SCAI: variants seen among roughly 807,000 people sequenced by gnomAD.
SCAI encodes the protein protein SCAI.
A neutral mutation model predicts 92.2 loss-of-function variants in SCAI; 24 were observed. The observed-to-expected ratio is 0.26, with a 90% CI of 0.19 to 0.37. SCAI has a LOEUF of 0.37. Among genes scored for constraint, SCAI ranks in the 10% least tolerant of loss-of-function variants. SCAI has a pLI of 1.00. For synonymous variants in SCAI, 261 were observed against 258.6 expected (o/e 1.01, Z -0.09); for missense variants, 450 against 736.2 (o/e 0.61, Z 4.50).
intron 3 of SCAI, among the ~76,000 whole-genome samples, chr9:125,031,285 G>C (rs2131090854): frequency 6.6e-6 from 1 of 151,492 alleles, no homozygotes; most frequent in Non-Finnish European, 1.5e-5. Flanking sequence ...TTTTGAGATG[G>C]AGTCGCGCTC....
chr9:125,077,388 C>T (rs1834112184), intron 2 of SCAI, among the ~76,000 whole-genome samples: 2 of 152,204 alleles, frequency 1.3e-5, no homozygotes, highest in Non-Finnish European at 2.9e-5. Flanking sequence ...TTTTTGGCTA[C>T]TATGAATAAT....
chr9:125,071,506 G>C (rs1833979285), intron 2 of SCAI, among the ~76,000 whole-genome samples: 1 of 152,200 alleles, frequency 6.6e-6, no homozygotes, highest in African/African-American at 2.4e-5. Flanking sequence ...TGAGGACAGA[G>C]AGTTTAAGAA....
At chr9:125,003,395 G>T in intron 10 of SCAI, 74 bp downstream of exon 10, 1 of 1,107,588 alleles carries the variant, frequency 9.0e-7, no homozygotes, top group Non-Finnish European at 1.4e-6. Context: ...AGTATCTGTT[G>T]AATAATCAGC....
At chr9:125,135,287 C>T (rs569883678) in intron 2 of SCAI, among the ~76,000 whole-genome samples, 3 of 152,318 alleles carry the variant, frequency 2.0e-5, no homozygotes, top group African/African-American at 7.2e-5. Context: ...GAAATGTTCT[C>T]AAAAGATAAC....
At chr9:125,018,025 C>CA (rs1465646716) in intron 9 of SCAI, among the ~76,000 whole-genome samples, 2 of 151,758 alleles carry the variant, frequency 1.3e-5, no homozygotes, top group Admixed American at 6.6e-5. Context: ...AAACAAAACA[C>CA]AAAAAACACC....
intron 3 of SCAI, among the ~76,000 whole-genome samples, chr9:125,046,085 T>C (rs1016867491): frequency 6.7e-6 from 1 of 150,096 alleles, no homozygotes; most frequent in Non-Finnish European, 1.5e-5. Context: ...AAGTCATTTA[T>C]ATAAAAAAGA....
chr9:124,952,308 A>G lies in SCAI; in HGVS notation c.*499T>C, dbSNP rs949856710. On this transcript the variant is annotated 3_prime_UTR_variant, in exon 18 of 18. Coordinates refer to ENST00000336505, the MANE Select transcript of SCAI (RefSeq NM_001144877.3). ...AAAAAACTGGCTTGATCATGTTTCA[A>G]AGGATCAAACATTTTTCTACCAGCT... 6.6e-6 allele frequency: 1 copy of G among 152,244 alleles called. No homozygotes were observed. Among genetic ancestry groups the G allele is most frequent in the African/African-American group, 2.4e-5 (1 of 41,466 alleles). The allele number at this position is 152,244 out of a possible 1,614,324, so 9.4% of individuals were successfully genotyped here.
At chr9:125,061,479 G>T (rs181217278) in intron 2 of SCAI, among the ~76,000 whole-genome samples, 1 of 152,144 alleles carries the variant, frequency 6.6e-6, no homozygotes, top group Non-Finnish European at 1.5e-5. Flanking sequence ...ATTGTTCAAG[G>T]CTGGGCCCAG....
chr9:125,001,002 C>T (rs1008870682), intron 12 of SCAI, among the ~76,000 whole-genome samples: 2 of 151,878 alleles, frequency 1.3e-5, no homozygotes, highest in African/African-American at 4.8e-5. Flanking sequence ...GTATGTTAAG[C>T]GGAAACCAAG....
chr9:125,066,428 C>A (rs1483959631), intron 2 of SCAI, among the ~76,000 whole-genome samples: 18 of 151,218 alleles, frequency 1.2e-4, no homozygotes, highest in African/African-American at 4.1e-4. Context: ...GATAGGTATA[C>A]CATTTTTTAT....
intron 2 of SCAI, among the ~76,000 whole-genome samples, chr9:125,058,502 G>A (rs1490595043): frequency 6.6e-6 from 1 of 152,102 alleles, no homozygotes; most frequent in Non-Finnish European, 1.5e-5. Context: ...GCGACAGAAC[G>A]AGACTGCGTT....
rs925140352 is a variant in SCAI, at chr9:125,142,621, G to T, written c.98+12C>A. 5 of 1,610,636 alleles carry T rather than the reference G, an allele frequency of 3.1e-6. No homozygotes were observed. The South Asian group carries it at 5.5e-5, about 18-fold the overall frequency. On this transcript the variant is annotated intron_variant, in intron 2 of 17. Coordinates refer to ENST00000336505, the MANE Select transcript of SCAI (RefSeq NM_001144877.3). The stretch of plus-strand genomic sequence containing the variant: ...GAAAAACATGAAGCAAAATAGGAAG[G>T]CACTGCCTTACCTGCTTCTCCGTTT...
intron 9 of SCAI, among the ~76,000 whole-genome samples, chr9:125,011,919 T>C (rs1291486416): frequency 2.6e-5 from 4 of 152,134 alleles, no homozygotes; most frequent in African/African-American, 4.8e-5. Flanking sequence ...GAATTTCATA[T>C]CCAGCCAAAC....
chr9:124,965,234 TTG>T (rs1405852003), intron 17 of SCAI, among the ~76,000 whole-genome samples: 5 of 152,160 alleles, frequency 3.3e-5, no homozygotes. Flanking sequence ...TGTCTTTTTT[TTG>T]TGTGTATGTC....
chr9:124,994,254 C>T (rs1458394637), intron 14 of SCAI, among the ~76,000 whole-genome samples: 1 of 152,132 alleles, frequency 6.6e-6, no homozygotes, highest in Non-Finnish European at 1.5e-5. Context: ...AGGCTGGTCT[C>T]GAACTCCTGA....
At position 125,060,150 on chromosome 9, in the gene SCAI, T is replaced by C. The variant is rs116799319; in HGVS notation, c.99-4143A>G. On this transcript the variant is annotated intron_variant, in intron 2 of 17. Transcript: ENST00000336505. Reference sequence around the variant, plus strand: ...AGACACACACTGTCCAAAAGTGTAGTCATTAGCCTTTTGTCACTATTTGGC... The same window carrying C: ...AGACACACACTGTCCAAAAGTGTAGCCATTAGCCTTTTGTCACTATTTGGC... Among the ~76,000 whole-genome samples the C allele has an allele frequency of 5.4e-4, 82 of 152,166 alleles. 1 individual carries two copies. The highest frequency in any genetic ancestry group is 1.8e-3 in the African/African-American group (76 of 41,508).
At chr9:125,044,241 C>T (rs1384249815) in intron 3 of SCAI, among the ~76,000 whole-genome samples, 1 of 152,126 alleles carries the variant, frequency 6.6e-6, no homozygotes, top group African/African-American at 2.4e-5. Context: ...AAGTCCATGG[C>T]CCAGAGTGAG....
At chr9:124,981,895 T>C (rs1438231048) in intron 14 of SCAI, among the ~76,000 whole-genome samples, 2 of 152,322 alleles carry the variant, frequency 1.3e-5, no homozygotes, top group East Asian at 3.9e-4. Flanking sequence ...TCCTCGTGCC[T>C]TATGCTCCCA....
chr9:125,010,525 C>T (rs556480242), intron 9 of SCAI, among the ~76,000 whole-genome samples: 2 of 152,332 alleles, frequency 1.3e-5, no homozygotes, highest in South Asian at 4.1e-4. Context: ...ACAAAGCAGC[C>T]AGAAAGCTCG....
Sources: gnomAD v4.1 joint callset for allele counts (sites outside exome capture counted in the v4.1 genomes callset) on GRCh38, gnomAD v4.1.1 for gene constraint, MANE v1.5 for transcripts, NCBI Gene and HGNC (gene_info 2026-07-23, HGNC 2026-07-21) for gene names.